The following MCUB variants were observed in gnomAD, a reference collection of about 807,000 sequenced individuals.
MCUB encodes mitochondrial calcium uniporter dominant negative subunit beta.
Under a neutral mutation model 41.4 loss-of-function variants are expected in MCUB, and 46 were observed. That is an observed-to-expected ratio of 1.11 (90% CI 0.88 to 1.42). The LOEUF is 1.42. Among genes scored for constraint, MCUB ranks in the 40% most tolerant of loss-of-function variants. The pLI is 0.00. For synonymous variants in MCUB, 148 were observed against 148.2 expected, an observed-to-expected ratio of 1.00 and a Z score of 0.01; for missense variants, 403 against 404.9, an observed-to-expected ratio of 1.00 and a Z score of 0.04.
At chr4:109,581,557 C>T (rs1727175060) in intron 1 of MCUB, among the ~76,000 whole-genome samples, 1 of 152,144 alleles carries the variant, frequency 6.6e-6, no homozygotes, top group East Asian at 1.9e-4. Context: ...TAAAGAGCTT[C>T]TGCACAGCAA....
intron 1 of MCUB, among the ~76,000 whole-genome samples, chr4:109,620,943 G>A (rs1373835687): frequency 1.3e-5 from 2 of 151,384 alleles, no homozygotes; most frequent in Non-Finnish European, 2.9e-5. Flanking sequence ...CTGTCACCCA[G>A]GCTGGAGTGC....
chr4:109,588,903 T>C (rs1727371657), intron 1 of MCUB, among the ~76,000 whole-genome samples: 1 of 152,168 alleles, frequency 6.6e-6, no homozygotes, highest in African/African-American at 2.4e-5. Context: ...GGAAGTGTAA[T>C]AGAATTTTTC....
In MCUB at chr4:109,575,730, T is replaced by G. The variant is rs555847328; in HGVS notation, c.99+15294T>G. On this transcript the variant is annotated intron_variant, in intron 1 of 7. Coordinates refer to ENST00000394650, the MANE Select transcript of MCUB (RefSeq NM_017918.5). ...CACACTAAATTAGGATGAAATATCT[T>G]TATAGTTATCCCATTTATGTAAGGC... is the stretch of plus-strand genomic sequence containing the variant. Among the ~76,000 whole-genome samples the G allele has an allele frequency of 1.3e-4, 20 of 152,334 alleles. No homozygotes were observed. In the South Asian group the frequency reaches 4.1e-3, roughly 32 times the overall value.
At chr4:109,598,457 G>C (rs972882815) in intron 1 of MCUB, among the ~76,000 whole-genome samples, 2 of 152,014 alleles carry the variant, frequency 1.3e-5, no homozygotes, top group African/African-American at 4.8e-5. Flanking sequence ...CCAGTCAGGC[G>C]TGGCAGCGCG....
At chr4:109,563,541 T>C (rs533004563) in intron 1 of MCUB, among the ~76,000 whole-genome samples, 6 of 152,330 alleles carry the variant, frequency 3.9e-5, no homozygotes, top group African/African-American at 1.2e-4. Flanking sequence ...GGTTAAGTGT[T>C]GGTGATTGTA....
At chr4:109,642,271 A>G (rs1290828081) in intron 1 of MCUB, among the ~76,000 whole-genome samples, 1 of 152,216 alleles carries the variant, frequency 6.6e-6, no homozygotes, top group African/African-American at 2.4e-5. Context: ...ACATGATTTA[A>G]TGATATCTGT....
At chr4:109,605,056 C>T (rs1727839331) in intron 1 of MCUB, among the ~76,000 whole-genome samples, 1 of 151,956 alleles carries the variant, frequency 6.6e-6, no homozygotes. Context: ...GAAAATATTC[C>T]CTCATCCTCT....
At chr4:109,571,406 A>T (rs1271326088) in intron 1 of MCUB, among the ~76,000 whole-genome samples, 1 of 152,056 alleles carries the variant, frequency 6.6e-6, no homozygotes, top group Non-Finnish European at 1.5e-5. Flanking sequence ...TCCGCCTCCC[A>T]GGTTCAAGCA....
At chr4:109,687,197 A>C (rs964946616) in intron 7 of MCUB, among the ~76,000 whole-genome samples, 2 of 152,112 alleles carry the variant, frequency 1.3e-5, no homozygotes, top group Non-Finnish European at 2.9e-5. Context: ...TCTACAAAAA[A>C]TACCAAAAAA....
Position 109,673,227 on chromosome 4 carries a change from C to A in MCUB, c.451+8833C>A, listed in dbSNP as rs1326562949. Among the ~76,000 whole-genome samples the A allele has an allele frequency of 4.6e-5, 7 of 152,214 alleles. No homozygotes were observed. In the East Asian group the frequency reaches 1.2e-3, roughly 25 times the overall value. On this transcript the variant is annotated intron_variant, in intron 4 of 7. Coordinates refer to ENST00000394650, the MANE Select transcript of MCUB (RefSeq NM_017918.5). ...CCTGGAAGGTCTTTCACTTGCTGTTCTTTGGGTTGCATTTATGAACAAACA... is the reference window on the plus strand; with the variant it reads ...CCTGGAAGGTCTTTCACTTGCTGTTATTTGGGTTGCATTTATGAACAAACA...
intron 1 of MCUB, among the ~76,000 whole-genome samples, chr4:109,655,020 A>G (rs1729059153): frequency 6.6e-6 from 1 of 152,134 alleles, no homozygotes; most frequent in Admixed American, 6.5e-5. Context: ...TGGGCCTCTC[A>G]TGTTTCTCAC....
chr4:109,588,454 C>G (rs1373737075), intron 1 of MCUB, among the ~76,000 whole-genome samples: 1 of 152,142 alleles, frequency 6.6e-6, no homozygotes, highest in East Asian at 1.9e-4. Context: ...TCTGTGCCAG[C>G]TAATCTGACA....
At chr4:109,647,896 G>A (rs1484050570) in intron 1 of MCUB, among the ~76,000 whole-genome samples, 1 of 152,108 alleles carries the variant, frequency 6.6e-6, no homozygotes, top group Non-Finnish European at 1.5e-5. Flanking sequence ...GAGGTGCTGG[G>A]CAGATGGAAA....
At chr4:109,657,218 CAAAAAAAAAAAA>C (rs56707630) in intron 1 of MCUB, among the ~76,000 whole-genome samples, 1 of 111,410 alleles carries the variant, frequency 9.0e-6, no homozygotes, top group Admixed American at 9.2e-5. Context: ...TATTCCATCT[CAAAAAAAAAAAA>C]AAAAAAAAAT....
intron 1 of MCUB, among the ~76,000 whole-genome samples, chr4:109,591,793 G>C (rs1727442902): frequency 6.6e-6 from 1 of 151,782 alleles, no homozygotes; most frequent in African/African-American, 2.4e-5. Flanking sequence ...CCACCTCCCA[G>C]GTTCAAGCAA....
Position 109,687,503 on chromosome 4 carries a change from T to A in MCUB, c.934-12T>A. The A allele has an allele frequency of 1.3e-6, 2 of 1,596,476 alleles. No individual in the cohort carries two copies. The highest frequency in any genetic ancestry group is 1.7e-6 in the Non-Finnish European group (2 of 1,166,056). ...CTTTCTGATCACATGCTTTTTCTTT[T>A]TCCCATGACAGGCTAAAGAATCCCT... On this transcript the variant is annotated splice_polypyrimidine_tract_variant and intron_variant, in intron 7 of 7. Coordinates refer to ENST00000394650, the MANE Select transcript of MCUB (RefSeq NM_017918.5).
intron 1 of MCUB, among the ~76,000 whole-genome samples, chr4:109,626,702 A>G (rs1282698832): frequency 6.6e-6 from 1 of 151,018 alleles, no homozygotes; most frequent in African/African-American, 2.4e-5. Flanking sequence ...AATCCTACCT[A>G]TTCGGGAGGC....
At chr4:109,588,623 T>G (rs537101330) in intron 1 of MCUB, among the ~76,000 whole-genome samples, 2 of 152,356 alleles carry the variant, frequency 1.3e-5, no homozygotes, top group South Asian at 4.1e-4. Context: ...CCATCTGCTA[T>G]TTTATCTCTT....
intron 4 of MCUB, among the ~76,000 whole-genome samples, chr4:109,669,687 G>A (rs1053924375): frequency 4.8e-5 from 7 of 146,134 alleles, no homozygotes; most frequent in Non-Finnish European, 1.0e-4. Flanking sequence ...GTTCTTAGAT[G>A]TTCTGTTCTG....
Sources: allele counts gnomAD v4.1 joint callset (sites outside exome capture counted in the v4.1 genomes callset), GRCh38; gene constraint gnomAD v4.1.1; transcripts MANE v1.5; gene names NCBI Gene and HGNC (gene_info 2026-07-23, HGNC 2026-07-21).